The following TMBIM6 variants were observed in gnomAD, a reference collection of about 807,000 sequenced individuals.
The protein encoded by TMBIM6 is bax inhibitor 1.
TMBIM6 carries 13 observed loss-of-function variants against 31.4 expected under a neutral mutation model. The ratio of observed to expected loss-of-function variants is 0.41; its 90% CI spans 0.27 to 0.66. The LOEUF (loss-of-function observed/expected upper bound fraction) is 0.66, where lower values mean the gene tolerates loss of function less well. Ranked by LOEUF, TMBIM6 falls within the 30% of genes least tolerant of loss-of-function variation. The pLI, the probability that TMBIM6 is intolerant of heterozygous loss-of-function variation, is 0.28. For missense variants in TMBIM6, 275 were observed against 289.5 expected, an observed-to-expected ratio of 0.95 and a Z score of 0.36; for synonymous variants, 85 against 101.7, an observed-to-expected ratio of 0.84 and a Z score of 0.99.
intron 1 of TMBIM6, among the ~76,000 whole-genome samples, chr12:49,747,972 C>G (rs1392749796): frequency 6.6e-6 from 1 of 152,140 alleles, no homozygotes; most frequent in East Asian, 1.9e-4. Flanking sequence ...GGCGTGATCT[C>G]AGTTCACTGC....
intron 1 of TMBIM6, chr12:49,743,656 G>C (rs1198009423): frequency 1.3e-5 from 2 of 152,166 alleles, no homozygotes; most frequent in African/African-American, 4.8e-5. Flanking sequence ...TGAAAATGCA[G>C]AAAAATGTCA....
rs1945643422 is a variant in TMBIM6, at chr12:49,758,265, G to A, written c.325G>A (p.Val109Ile). The change falls in exon 5 of 10, where the codon GTC becomes ATC. Residue 109 changes from valine to isoleucine, a missense_variant. Coordinates refer to ENST00000267115, the MANE Select transcript of TMBIM6 (RefSeq NM_003217.3). Reference protein sequence around the residue: ...LGPALEFCIAVNPSILPTAFM... With the variant: ...LGPALEFCIAINPSILPTAFM... Reference sequence around the variant, plus strand: ...CCCTGCCCTGGAGTTTTGTATTGCTGTCAACCCCAGGTAACTCTTTTGGTA... The same window carrying A: ...CCCTGCCCTGGAGTTTTGTATTGCTATCAACCCCAGGTAACTCTTTTGGTA... 1.2e-6 allele frequency: 2 copies of A among 1,614,096 alleles called. No homozygotes were observed. Among genetic ancestry groups the A allele is most frequent in the East Asian group, 2.2e-5 (1 of 44,896 alleles).
chr12:49,747,636 A>G (rs1245024031), intron 1 of TMBIM6, among the ~76,000 whole-genome samples: 1 of 152,090 alleles, frequency 6.6e-6, no homozygotes, highest in East Asian at 1.9e-4. Context: ...TTTGGAAGTG[A>G]ACATAACCTT....
At chr12:49,761,483 G>T (rs545154548) in intron 8 of TMBIM6, among the ~76,000 whole-genome samples, 1 of 152,224 alleles carries the variant, frequency 6.6e-6, no homozygotes, top group African/African-American at 2.4e-5. Context: ...GGGATTACAG[G>T]CATGAGCCAC....
intron 8 of TMBIM6, among the ~76,000 whole-genome samples, chr12:49,759,805 CAAAAA>C (rs57668484): frequency 0.012 from 1,075 of 91,686 alleles, 11 homozygotes; most frequent in African/African-American, 0.031. Context: ...GACCCTGTCT[CAAAAA>C]AAAAAAAAAA....
At chr12:49,760,845 T>C (rs546486215) in intron 8 of TMBIM6, among the ~76,000 whole-genome samples, 163 of 139,740 alleles carry the variant, frequency 1.2e-3, no homozygotes, top group Admixed American at 0.011. Context: ...CCCAGCTCAC[T>C]TTTTTTTTTT....
At chr12:49,755,000 A>G (rs1487147800) in intron 3 of TMBIM6, among the ~76,000 whole-genome samples, 1 of 152,164 alleles carries the variant, frequency 6.6e-6, no homozygotes, top group Non-Finnish European at 1.5e-5. Flanking sequence ...CTTGTTGCCC[A>G]GGCTGAAGTG....
At chr12:49,761,574 C>T (rs1945719547) in intron 8 of TMBIM6, 130 bp from the exon 9 acceptor site, 1 of 724,454 alleles carries the variant, frequency 1.4e-6, no homozygotes, top group Non-Finnish European at 2.3e-6. Flanking sequence ...GTTTTACTTC[C>T]TTAGTTGGGG....
At chr12:49,742,581 A>C in intron 1 of TMBIM6, 1 of 258,618 alleles carries the variant, frequency 3.9e-6, no homozygotes, top group African/African-American at 2.2e-5. Flanking sequence ...ACTGTGCTTG[A>C]AACAGACAAG....
At chr12:49,749,441 G>GTTTTTTTTTTTTT (rs61667487) in intron 1 of TMBIM6, among the ~76,000 whole-genome samples, 15 of 146,114 alleles carry the variant, frequency 1.0e-4, no homozygotes, top group African/African-American at 3.4e-4. Context: ...AGTCATTTTT[G>GTTTTTTTTTTTTT]TTTTTTTTTG....
At chr12:49,756,725 C>G (rs1167662154) in intron 4 of TMBIM6, among the ~76,000 whole-genome samples, 2 of 147,812 alleles carry the variant, frequency 1.4e-5, no homozygotes, top group Non-Finnish European at 1.5e-5. Context: ...ACACCCAGCG[C>G]TTTTTTTTGT....
intron 4 of TMBIM6, 75 bp downstream of exon 4, chr12:49,755,830 T>A: frequency 6.7e-7 from 1 of 1,492,170 alleles, no homozygotes; most frequent in Non-Finnish European, 9.0e-7. Flanking sequence ...CCCCCCCCTT[T>A]TTTTTTCTTT....
Position 49,752,964 on chromosome 12 carries a change from T to C in TMBIM6, c.57-9T>C. 1 of 1,612,868 alleles carries C rather than the reference T, an allele frequency of 6.2e-7. No individual in the cohort carries two copies. Among genetic ancestry groups the C allele is most frequent in the South Asian group, 1.1e-5 (1 of 90,842 alleles). On this transcript the variant is annotated splice_polypyrimidine_tract_variant and intron_variant, in intron 2 of 9. Coordinates refer to ENST00000267115, the MANE Select transcript of TMBIM6 (RefSeq NM_003217.3). ...GGACTGATTGCTCTTATTCACATTC[T>C]TTTCTTAGAACCCCGTCAACGCAGC...
chr12:49,758,571 C>A, intron 6 of TMBIM6, 91 bp downstream of exon 6: 1 of 1,547,964 alleles, frequency 6.5e-7, no homozygotes, highest in Non-Finnish European at 8.9e-7. Flanking sequence ...TCCTTTGCGA[C>A]TATTGAGTTG....
rs1945754311 is a variant in TMBIM6, at chr12:49,763,262, G to A, written c.*366G>A. On this transcript the variant is annotated 3_prime_UTR_variant, in exon 10 of 10. Coordinates refer to ENST00000267115, the MANE Select transcript of TMBIM6 (RefSeq NM_003217.3). The stretch of plus-strand genomic sequence containing the variant: ...CCCAGTGGACCTGAACTGTTTGGTA[G>A]AGCCACCCGGCCCTTCCTTCCTCAT... 5.3e-6 allele frequency: 1 copy of A among 189,476 alleles called. No homozygotes were observed. The highest frequency in any genetic ancestry group is 1.4e-4 in the South Asian group (1 of 7,200). The allele number at this position is 189,476 out of a possible 1,614,324, so 11.7% of individuals were successfully genotyped here.
At chr12:49,752,840 C>T in intron 2 of TMBIM6, 133 bp from the exon 3 acceptor site, 2 of 877,614 alleles carry the variant, frequency 2.3e-6, no homozygotes, top group South Asian at 1.9e-5. Flanking sequence ...ATATGCTTTC[C>T]TAAAAGTATT....
At chr12:49,760,111 CAAAAA>C (rs796352103) in intron 8 of TMBIM6, among the ~76,000 whole-genome samples, 16,425 of 83,432 alleles carry the variant, frequency 0.2, 1,448 homozygotes, top group African/African-American at 0.35. Context: ...GACTCCTTCT[CAAAAA>C]AAAAAAAAAA....
intron 1 of TMBIM6, 88 bp from the exon 2 acceptor site, chr12:49,752,376 G>A: frequency 1.0e-6 from 1 of 956,326 alleles, no homozygotes; most frequent in South Asian, 1.7e-5. Context: ...TCATCTTTCT[G>A]AACTTACATG....
At chr12:49,753,992 A>G (rs953747073) in intron 3 of TMBIM6, among the ~76,000 whole-genome samples, 1 of 150,860 alleles carries the variant, frequency 6.6e-6, no homozygotes, top group Non-Finnish European at 1.5e-5. Context: ...ACAGTCACAG[A>G]GTGGTGAAAA....
Sources: allele counts gnomAD v4.1 joint callset (sites outside exome capture counted in the v4.1 genomes callset), GRCh38; gene constraint gnomAD v4.1.1; transcripts MANE v1.5; gene names NCBI Gene and HGNC (gene_info 2026-07-23, HGNC 2026-07-21).